RBM19: variants seen among roughly 807,000 people sequenced by gnomAD.
RBM19 encodes probable RNA-binding protein 19.
A neutral mutation model predicts 116.8 loss-of-function variants in RBM19; 94 were observed. The observed-to-expected ratio is 0.80, with a 90% confidence interval of 0.68 to 0.95. The LOEUF is 0.95. RBM19 is among the 40% of genes least tolerant of loss of function. The probability of loss-of-function intolerance (pLI) is 0.00; values close to 1 mark genes in which losing one functional copy is unlikely to be tolerated. For missense variants in RBM19, 1,161 were observed against 1,220.7 expected, an observed-to-expected ratio of 0.95 and a Z score of 0.73; for synonymous variants, 475 against 494.1, an observed-to-expected ratio of 0.96 and a Z score of 0.51.
rs1242820977 is a variant in RBM19 at position 113,844,656 on chromosome 12, T to C, written c.2785+12A>G. On this transcript the variant is annotated intron_variant, in intron 23 of 23. Transcript: ENST00000261741. ...GCCCATGAGTCAGCCCAAAAGACCG[T>C]CCCGCTCCTACCGTGAAAGTGAGCG... 1 of 1,608,546 alleles carries C rather than the reference T, an allele frequency of 6.2e-7. No individual in the cohort carries two copies. The highest frequency in any genetic ancestry group is 8.5e-7 in the Non-Finnish European group (1 of 1,177,654).
intron 21 of RBM19, among the ~76,000 whole-genome samples, chr12:113,877,000 G>A (rs923127797): frequency 4.6e-5 from 7 of 152,186 alleles, no homozygotes; most frequent in Non-Finnish European, 1.0e-4. Context: ...AAGGGAAGGT[G>A]CTTGCCCCTG....
rs76731374 is a variant in RBM19 at position 113,856,812 on chromosome 12, C to A, written c.2664+1979G>T. Among the ~76,000 whole-genome samples the A allele has an allele frequency of 8.9e-3, 1,362 of 152,220 alleles. 27 individuals carry two copies. The highest frequency in any genetic ancestry group is 0.03 in the African/African-American group (1,238 of 41,516). On this transcript the variant is annotated intron_variant, in intron 22 of 23. Transcript: ENST00000261741. ...AATAGCCCGTATGTAGGGGCCAGGC[C>A]CTGTTCTAAATTATCACCCCATCCA... is the stretch of plus-strand genomic sequence containing the variant.
chr12:113,918,522 C>CTCTGCTCTGGTGA, intron 19 of RBM19, 75 bp from the exon 20 acceptor site: 3 of 1,517,242 alleles, frequency 2.0e-6, no homozygotes, highest in Non-Finnish European at 2.7e-6. Context: ...TTCACCAGAG[C>CTCTGCTCTGGTGA]AGAGCCCTGG....
chr12:113,946,105 A>G (rs554868596), intron 12 of RBM19, among the ~76,000 whole-genome samples, 181 bp from the exon 13 acceptor site: 59 of 152,340 alleles, frequency 3.9e-4, no homozygotes, highest in African/African-American at 1.4e-3. Context: ...GACAGGAACC[A>G]TCCCTAACAG....
chr12:113,952,631 A>G, intron 7 of RBM19, 41 bp from the exon 8 acceptor site: 2 of 1,534,552 alleles, frequency 1.3e-6, no homozygotes, highest in Non-Finnish European at 1.8e-6. Context: ...ACCACATAAT[A>G]AAAGTACAAC....
chr12:113,863,680 C>G (rs1878586851), intron 21 of RBM19, among the ~76,000 whole-genome samples: 1 of 152,150 alleles, frequency 6.6e-6, no homozygotes, highest in Non-Finnish European at 1.5e-5. Flanking sequence ...CCCACCTGCA[C>G]CCAAGGCATT....
chr12:113,844,785 C>T lies in RBM19; in HGVS notation c.2668G>A (p.Ala890Thr). Residue 890 changes from alanine (A) to threonine (T), a missense_variant, in exon 23 of 24, where the codon GCC becomes ACC. Coordinates refer to ENST00000261741, the MANE Select transcript of RBM19 (RefSeq NM_016196.4). ...GTGCTGTGACACAGGGCGTTGAAGG[C>T]TCTCTGCAGAGGGACAAGAAACGAA... is the stretch of plus-strand genomic sequence containing the variant. ...DFLTKQDAKR[A>T]FNALCHSTHL... The T allele has an allele frequency of 2.5e-6, 4 of 1,611,674 alleles. No homozygotes were observed. Among genetic ancestry groups the T allele is most frequent in the Non-Finnish European group, 3.4e-6 (4 of 1,178,780 alleles).
At chr12:113,884,387 C>CCCA (rs1593531661) in intron 21 of RBM19, among the ~76,000 whole-genome samples, 1 of 151,808 alleles carries the variant, frequency 6.6e-6, no homozygotes, top group East Asian at 1.9e-4. Flanking sequence ...TGCCCCTGTC[C>CCCA]CCACCTCTAT....
At chr12:113,959,798 TCCAGTC>T in intron 4 of RBM19, 61 bp downstream of exon 4, 1 of 1,477,754 alleles carries the variant, frequency 6.8e-7, no homozygotes, top group Non-Finnish European at 9.1e-7. Flanking sequence ...CTCTACCCTC[TCCAGTC>T]TCCACCCTCT....
intron 21 of RBM19, among the ~76,000 whole-genome samples, chr12:113,878,267 A>G (rs1013126665): frequency 6.6e-6 from 1 of 152,030 alleles, no homozygotes; most frequent in African/African-American, 2.4e-5. Flanking sequence ...ATGTCACCCT[A>G]AACACCCGGT....
At chr12:113,880,345 C>G (rs1176159203) in intron 21 of RBM19, among the ~76,000 whole-genome samples, 2 of 152,130 alleles carry the variant, frequency 1.3e-5, no homozygotes, top group East Asian at 1.9e-4. Flanking sequence ...CCTCCCCTAC[C>G]CTCACTGGTT....
At chr12:113,854,569 T>A (rs1877725945) in intron 22 of RBM19, among the ~76,000 whole-genome samples, 1 of 152,124 alleles carries the variant, frequency 6.6e-6, no homozygotes, top group Non-Finnish European at 1.5e-5. Flanking sequence ...ACACCAGCAT[T>A]TTCAGAGGGA....
chr12:113,842,605 C>T (rs767859492), intron 23 of RBM19, among the ~76,000 whole-genome samples: 12 of 152,308 alleles, frequency 7.9e-5, no homozygotes, highest in East Asian at 7.7e-4. Context: ...GAGATGAGCA[C>T]GACACAGCCC....
rs1874735226 is a variant in RBM19 at position 113,825,006 on chromosome 12, CCCTCTA to C, written c.2786-1691_2786-1686del. 6.6e-6 allele frequency among the ~76,000 whole-genome samples: 1 copy of C among 152,192 alleles called. No homozygotes were observed. The highest frequency in any genetic ancestry group is 2.4e-5 in the African/African-American group (1 of 41,440). On this transcript the variant is annotated intron_variant, in intron 23 of 23. Coordinates refer to ENST00000261741, the MANE Select transcript of RBM19 (RefSeq NM_016196.4). The surrounding 1 kb of genome is among the most constrained non-coding windows in gnomAD (Gnocchi z 5.7). ...ACCGGCAGCACCCAGATCTCCCTCT[CCCTCTA>C]CCTCTGAGCTCCAATGCCACCCCAC... is the stretch of plus-strand genomic sequence containing the variant.
chr12:113,835,714 C>T (rs1392426583), intron 23 of RBM19, among the ~76,000 whole-genome samples: 1 of 152,240 alleles, frequency 6.6e-6, no homozygotes, highest in East Asian at 1.9e-4. Flanking sequence ...CCCGCCCCAG[C>T]CCAACCTGGC....
At chr12:113,935,474 G>C (rs1869973212) in intron 16 of RBM19, among the ~76,000 whole-genome samples, 1 of 152,210 alleles carries the variant, frequency 6.6e-6, no homozygotes, top group African/African-American at 2.4e-5. Flanking sequence ...AAACTGAGTG[G>C]AGAGAGCTTA....
chr12:113,918,253 T>C (rs74669062), intron 20 of RBM19, 139 bp downstream of exon 20: 1 of 819,278 alleles, frequency 1.2e-6, no homozygotes, highest in Non-Finnish European at 2.0e-6. Context: ...TTAGGCATCT[T>C]AATTAGGAAG....
chr12:113,915,480 G>A (rs1466944927), intron 20 of RBM19, among the ~76,000 whole-genome samples: 1 of 152,224 alleles, frequency 6.6e-6, no homozygotes, highest in Non-Finnish European at 1.5e-5. Context: ...AACCCGAGGA[G>A]GAACATGCGG....
intron 21 of RBM19, among the ~76,000 whole-genome samples, chr12:113,893,420 C>T (rs1229398498): frequency 1.3e-5 from 2 of 152,164 alleles, no homozygotes; most frequent in Admixed American, 6.5e-5. Flanking sequence ...TGTGAGCCAC[C>T]GCGGCTGGCC....
Sources: gnomAD v4.1 joint callset for allele counts (sites outside exome capture counted in the v4.1 genomes callset) on GRCh38, gnomAD v4.1.1 for gene constraint, Gnocchi (gnomAD v3.1) non-coding constraint, MANE v1.5 for transcripts, NCBI Gene and HGNC (gene_info 2026-07-23, HGNC 2026-07-21) for gene names.